Variants in ALPK3 observed in about 807,000 individuals in gnomAD.
ALPK3 encodes alpha kinase 3.
In ALPK3, 102 loss-of-function variants were observed where a neutral mutation model predicts 140.0. The observed-to-expected ratio is 0.73, with a 90% CI of 0.62 to 0.86. The LOEUF (loss-of-function observed/expected upper bound fraction) is 0.86, where lower values mean the gene tolerates loss of function less well. Among genes scored for constraint, ALPK3 ranks in the 40% least tolerant of loss-of-function variants. ALPK3 has a pLI of 0.00. For synonymous variants in ALPK3, 938 were observed against 898.5 expected (o/e 1.04, Z -0.79); for missense variants, 2,254 against 2,208.2 (o/e 1.02, Z -0.42).
chr15:84,857,656 C>G lies in ALPK3; in HGVS notation c.2918C>G (p.Thr973Arg). 3.7e-6 allele frequency: 6 copies of G among 1,602,848 alleles called. No homozygotes were observed. The highest frequency in any genetic ancestry group is 5.1e-6 in the Non-Finnish European group (6 of 1,172,146). Reference protein sequence around the residue: ...YLLLLLKLSSTETSGAGGESQ... With the variant: ...YLLLLLKLSSRETSGAGGESQ... ...CTTCTGCTGCTGAAGCTGTCCAGCA[C>G]AGAGACAAGTGGAGCAGGGGGAGAG... is the stretch of plus-strand genomic sequence containing the variant. Residue 973 changes from threonine to arginine, a missense_variant, in exon 6 of 14, where the codon ACA (threonine) becomes AGA (arginine). Physicochemically the swap from Thr to Arg is moderately conservative, Grantham distance 71. Transcript: ENST00000258888.
rs974379637 is a variant in ALPK3 at position 84,871,917 on chromosome 15, G to A, written c.*3461G>A. The A allele has an allele frequency of 4.6e-5, 7 of 152,282 alleles. No homozygotes were observed. Among genetic ancestry groups the A allele is most frequent in the Non-Finnish European group, 7.3e-5 (5 of 68,072 alleles). The allele number at this position is 152,282 out of a possible 1,614,324, so 9.4% of individuals were successfully genotyped here. A position where few individuals can be genotyped will look rare whatever the true frequency, so the allele number is the denominator to read the frequency against. ...TTCCATGGATATTGATGGCAGGAGA[G>A]GCATGATGGGTTAGAAAAGCAAATC... On this transcript the variant is annotated 3_prime_UTR_variant, in exon 14 of 14. Transcript: ENST00000258888.
chr15:84,830,739 C>T (rs1963537566), intron 3 of ALPK3, among the ~76,000 whole-genome samples: 1 of 152,118 alleles, frequency 6.6e-6, no homozygotes, highest in African/African-American at 2.4e-5. Flanking sequence ...CCTCTGTCAC[C>T]CCGGCTGGAG....
intron 8 of ALPK3, 29 bp from the exon 9 acceptor site, chr15:84,860,008 G>A (rs745377049): frequency 8.7e-6 from 14 of 1,613,996 alleles, no homozygotes; most frequent in Admixed American, 1.7e-5. Context: ...CAGCCTGAAG[G>A]CACTGCTTTC....
chr15:84,842,190 T>C (rs924023514), intron 5 of ALPK3, among the ~76,000 whole-genome samples: 1 of 152,222 alleles, frequency 6.6e-6, no homozygotes, highest in Non-Finnish European at 1.5e-5. Flanking sequence ...TGAGGCACCA[T>C]GCTCAGCTAA....
chr15:84,857,001 T>G lies in ALPK3; in HGVS notation c.2263T>G (p.Cys755Gly). 6.2e-7 allele frequency: 1 copy of G among 1,614,018 alleles called. No homozygotes were observed. Among genetic ancestry groups the G allele is most frequent in the East Asian group, 2.2e-5 (1 of 44,886 alleles). ...AGPRAPLNIE[C>G]FVQTPEGSCF... ...TCCTAGAGCTCCTCTGAATATTGAATGTTTTGTACAGACCCCAGAAGGGTC... is the reference window on the plus strand; with the variant it reads ...TCCTAGAGCTCCTCTGAATATTGAAGGTTTTGTACAGACCCCAGAAGGGTC... The change falls in exon 6 of 14, where the codon TGT (cysteine) becomes GGT (glycine). Residue 755 changes from cysteine (C) to glycine (G), a missense_variant. Cys to Gly is a radical substitution (Grantham distance 159). Around this residue, in one of 3 missense-constraint regions of ALPK3, gnomAD observed 2,088 missense variants for 2,022.9 expected, o/e 1.03. Transcript: ENST00000258888.
At position 84,858,505 on chromosome 15, in the gene ALPK3, G is replaced by A. The variant is rs2141569618; in HGVS notation, c.3767G>A (p.Gly1256Asp). 2 of 1,585,146 alleles carry A rather than the reference G, an allele frequency of 1.3e-6. No individual in the cohort carries two copies. The highest frequency in any genetic ancestry group is 1.7e-6 in the Non-Finnish European group (2 of 1,172,378). The change falls in exon 6 of 14, where the codon GGC becomes GAC. Residue 1256 changes from glycine to aspartate, a missense_variant. Transcript: ENST00000258888. ...GACACAGAGGTGGCCCTGGATGAAG[G>A]CAAGCAGGAGACACTGGCCAAGCCC... The part of the protein sequence containing the change: ...GLDTEVALDE[G>D]KQETLAKPRK...
Position 84,857,159 on chromosome 15 carries a change from G to A in ALPK3, c.2421G>A (p.Glu807=), listed in dbSNP as rs150546362. 6.8e-6 allele frequency: 11 copies of A among 1,614,008 alleles called. No individual in the cohort carries two copies. Among genetic ancestry groups the A allele is most frequent in the Non-Finnish European group, 8.5e-6 (10 of 1,179,996 alleles). Reference sequence around the variant, plus strand: ...TGCTCCCAGCACAGCCGCCCCATGAGGGGAGTGTGGAGCAGGTGGGAGGAG... The same window carrying A: ...TGCTCCCAGCACAGCCGCCCCATGAAGGGAGTGTGGAGCAGGTGGGAGGAG... ...NLMLPAQPPH[E]GSVEQVGGER... is the part of the protein sequence containing the mutation. Residue 807 remains glutamate (E), a synonymous_variant, in exon 6 of 14, where the codon GAG becomes GAA. Transcript: ENST00000258888.
Position 84,859,398 on chromosome 15 carries a change from A to C in ALPK3, c.3965+8A>C. ...GGGCGAGGTGGGCAGGAGGTAAGCC[A>C]ACGACACCACTGCCACCTGACCTGG... On this transcript the variant is annotated splice_region_variant and intron_variant, in intron 7 of 13. Coordinates refer to ENST00000258888, the MANE Select transcript of ALPK3 (RefSeq NM_020778.5). 1 of 1,613,888 alleles carries C rather than the reference A, an allele frequency of 6.2e-7. No individual in the cohort carries two copies. Among genetic ancestry groups the C allele is most frequent in the Non-Finnish European group, 8.5e-7 (1 of 1,179,874 alleles).
rs774151931 is a variant in ALPK3 at position 84,858,119 on chromosome 15, G to A, written c.3381G>A (p.Gly1127=). The A allele has an allele frequency of 1.3e-6, 2 of 1,580,668 alleles. No homozygotes were observed. Among genetic ancestry groups the A allele is most frequent in the South Asian group, 1.2e-5 (1 of 85,360 alleles). ...GTGGGCAGGCAGCCCCTGGACAGGG[G>A]CCCTCAGCAGAGAGCATAGCCCAGG... is the stretch of plus-strand genomic sequence containing the variant. ...EAGGQAAPGQ[G]PSAESIAQEP... The change falls in exon 6 of 14, where the codon GGG becomes GGA. Residue 1127 remains glycine (G), a synonymous_variant. Coordinates refer to ENST00000258888, the MANE Select transcript of ALPK3 (RefSeq NM_020778.5).
At position 84,868,108 on chromosome 15, in the gene ALPK3, C is replaced by T. The variant is rs779340908; in HGVS notation, c.4773-3C>T. 3.7e-6 allele frequency: 6 copies of T among 1,605,236 alleles called. No homozygotes were observed. Among genetic ancestry groups the T allele is most frequent in the Non-Finnish European group, 4.3e-6 (5 of 1,173,742 alleles). On this transcript the variant is annotated splice_polypyrimidine_tract_variant and splice_region_variant and intron_variant, in intron 13 of 13. Coordinates refer to ENST00000258888, the MANE Select transcript of ALPK3 (RefSeq NM_020778.5). Reference sequence around the variant, plus strand: ...CCACTCAGCTCTTCCTGTCTGGCTGCAGATACCAGGGCCTCAAGGAAAGCT... The same window carrying T: ...CCACTCAGCTCTTCCTGTCTGGCTGTAGATACCAGGGCCTCAAGGAAAGCT...
At chr15:84,834,871 A>G (rs1963582465) in intron 3 of ALPK3, among the ~76,000 whole-genome samples, 1 of 152,228 alleles carries the variant, frequency 6.6e-6, no homozygotes, top group South Asian at 2.1e-4. Flanking sequence ...GCTTTTATGC[A>G]TTTTAGGATA....
chr15:84,838,486 A>C (rs1963619000), intron 3 of ALPK3, among the ~76,000 whole-genome samples: 1 of 152,090 alleles, frequency 6.6e-6, no homozygotes, highest in Admixed American at 6.6e-5. Context: ...CAGCTTCTAA[A>C]AATAAGCTGA....
At position 84,864,546 on chromosome 15, in the gene ALPK3, G is replaced by T. The variant is rs998073831; in HGVS notation, c.4604G>T (p.Trp1535Leu). The stretch of plus-strand genomic sequence containing the variant: ...CTGGAGTCTTACTGTTCTCGGGAAT[G>T]GGGCTGTGCTGAGGCTCCGACAGCA... ...KPLESYCSRE[W>L]GCAEAPTASG... is the part of the protein sequence containing the mutation. The change falls in exon 12 of 14, where the codon TGG becomes TTG. Residue 1535 changes from tryptophan (W) to leucine (L), a missense_variant. Coordinates refer to ENST00000258888, the MANE Select transcript of ALPK3 (RefSeq NM_020778.5). The T allele has an allele frequency of 5.6e-6, 9 of 1,614,102 alleles. No homozygotes were observed. Among genetic ancestry groups the T allele is most frequent in the African/African-American group, 1.3e-5 (1 of 74,934 alleles).
At position 84,873,402 on chromosome 15, in the gene ALPK3, T is replaced by A. The variant is rs1964098679; in HGVS notation, c.*4946T>A. 2 of 152,218 alleles carry A rather than the reference T, an allele frequency of 1.3e-5. No homozygotes were observed. 9.4% of individuals were successfully genotyped at this position (152,218 alleles called of 1,614,324 possible). On this transcript the variant is annotated 3_prime_UTR_variant, in exon 14 of 14. Coordinates refer to ENST00000258888, the MANE Select transcript of ALPK3 (RefSeq NM_020778.5). Reference sequence around the variant, plus strand: ...CCCTCCTAAAATAGTAATAACAGTATCTGGCGATTTGAGCTTTTACGTAGA... The same window carrying A: ...CCCTCCTAAAATAGTAATAACAGTAACTGGCGATTTGAGCTTTTACGTAGA...
At chr15:84,865,964 A>T (rs1963999537) in intron 12 of ALPK3, among the ~76,000 whole-genome samples, 1 of 152,202 alleles carries the variant, frequency 6.6e-6, no homozygotes, top group African/African-American at 2.4e-5. Context: ...AGAAAAAAAT[A>T]AATTTGATTT....
rs895120495 is a variant in ALPK3, at chr15:84,872,092, G to T, written c.*3636G>T. 6.6e-6 allele frequency: 1 copy of T among 152,306 alleles called. No homozygotes were observed. The highest frequency in any genetic ancestry group is 6.5e-5 in the Admixed American group (1 of 15,286). The allele number at this position is 152,306 out of a possible 1,614,324, so 9.4% of individuals were successfully genotyped here. The stretch of plus-strand genomic sequence containing the variant: ...CAGAGCCTTAGCCTGGAGCGACAGT[G>T]TACCGTTGATAATGGAACGCACTGG... On this transcript the variant is annotated 3_prime_UTR_variant, in exon 14 of 14. Transcript: ENST00000258888.
chr15:84,865,649 C>T (rs908282087), intron 12 of ALPK3, among the ~76,000 whole-genome samples: 4 of 152,162 alleles, frequency 2.6e-5, no homozygotes, highest in Admixed American at 6.5e-5. Context: ...GAGACGATAA[C>T]GTGGCATAGT....
rs1004733773 is a variant in ALPK3 at position 84,840,686 on chromosome 15, C to A, written c.1407C>A (p.Ser469=). The stretch of plus-strand genomic sequence containing the variant: ...GCGCTCCTGGCCAGCCCACACACTC[C>A]TTGACCCCCCAGCCGACTAGGCCTT... ...VPGAPGQPTH[S]LTPQPTRPFN... The change falls in exon 5 of 14, where the codon TCC becomes TCA. Residue 469 remains serine (S), a synonymous_variant. Transcript: ENST00000258888. 3 of 1,605,682 alleles carry A rather than the reference C, an allele frequency of 1.9e-6. No homozygotes were observed. The highest frequency in any genetic ancestry group is 2.6e-6 in the Non-Finnish European group (3 of 1,175,950).
intron 3 of ALPK3, among the ~76,000 whole-genome samples, chr15:84,836,238 G>A (rs1352868915): frequency 6.6e-6 from 1 of 152,180 alleles, no homozygotes; most frequent in African/African-American, 2.4e-5. Flanking sequence ...GGGAGGTGGG[G>A]CCAGCATGGT....
Sources: allele counts gnomAD v4.1 joint callset (sites outside exome capture counted in the v4.1 genomes callset), GRCh38; gene constraint gnomAD v4.1.1; regional missense constraint gnomAD v4.1.1; transcripts MANE v1.5; gene names NCBI Gene and HGNC (gene_info 2026-07-23, HGNC 2026-07-21).